PTGER3: variants seen among roughly 807,000 people sequenced by gnomAD.
PTGER3 encodes the protein prostaglandin E2 receptor EP3 subtype.
PTGER3 carries 22 observed loss-of-function variants against 34.7 expected under a neutral mutation model. That is an observed-to-expected ratio of 0.63 (90% CI 0.45 to 0.91). The LOEUF (loss-of-function observed/expected upper bound fraction) is 0.91. PTGER3 is among the 40% of genes least tolerant of loss of function. The pLI, the probability that PTGER3 is intolerant of heterozygous loss-of-function variation, is 0.00. For missense variants in PTGER3, 468 were observed against 519.4 expected, an observed-to-expected ratio of 0.90 and a Z score of 0.96; for synonymous variants, 241 against 230.1, an observed-to-expected ratio of 1.05 and a Z score of -0.43.
chr1:70,936,863 GT>G (rs1324337774), intron 4 of PTGER3, among the ~76,000 whole-genome samples: 3 of 152,114 alleles, frequency 2.0e-5, no homozygotes, highest in Admixed American at 6.5e-5. Context: ...ATTCTTTTGA[GT>G]TTTTTTCATC....
At chr1:70,919,837 T>C (rs1647353587) in intron 4 of PTGER3, among the ~76,000 whole-genome samples, 3 of 152,274 alleles carry the variant, frequency 2.0e-5, no homozygotes, top group East Asian at 1.9e-4. Context: ...TCCATTTGTA[T>C]TGCCCTAGGC....
In PTGER3 at chr1:71,047,706, C is replaced by T; in HGVS notation, c.-129G>A. Reference sequence around the variant, plus strand: ...CTGGGCTGCCCCCCATGGTGCGGGGCGCAGCCGCCGCCCTACTCCGCTGCT... The same window carrying T: ...CTGGGCTGCCCCCCATGGTGCGGGGTGCAGCCGCCGCCCTACTCCGCTGCT... On this transcript the variant is annotated 5_prime_UTR_variant, in exon 1 of 4. Coordinates refer to ENST00000306666, the MANE Select transcript of PTGER3 (RefSeq NM_198719.2). 9.3e-7 allele frequency: 1 copy of T among 1,079,914 alleles called. No individual in the cohort carries two copies. Among genetic ancestry groups the T allele is most frequent in the Non-Finnish European group, 1.2e-6 (1 of 803,842 alleles). 66.9% of individuals were successfully genotyped at this position (1,079,914 alleles called of 1,614,324 possible). A position where few individuals can be genotyped will look rare whatever the true frequency, so the allele number is the denominator to read the frequency against.
intron 1 of PTGER3, among the ~76,000 whole-genome samples, chr1:71,032,948 T>G (rs1659532373): frequency 6.6e-6 from 1 of 152,230 alleles, no homozygotes; most frequent in Non-Finnish European, 1.5e-5. Context: ...GCTCCAGATC[T>G]TCTGGGGATC....
downstream of PTGER3, among the ~76,000 whole-genome samples, chr1:70,952,189 A>T (rs755595519): frequency 6.6e-6 from 1 of 152,124 alleles, no homozygotes; most frequent in Non-Finnish European, 1.5e-5. Context: ...AGTAGAAGAT[A>T]TATTTTGAAG....
intron 1 of PTGER3, among the ~76,000 whole-genome samples, chr1:71,019,303 A>G (rs748606578): frequency 6.6e-6 from 1 of 152,090 alleles, no homozygotes; most frequent in Non-Finnish European, 1.5e-5. Flanking sequence ...ACCCTGCACT[A>G]TTTCTCCTTT....
chr1:70,975,908 G>T (rs565149471), intron 2 of PTGER3, among the ~76,000 whole-genome samples: 2 of 152,074 alleles, frequency 1.3e-5, no homozygotes, highest in African/African-American at 2.4e-5. Flanking sequence ...ATCTGCTAAA[G>T]AACGATCTGG....
chr1:71,044,573 T>C (rs1298542275), intron 1 of PTGER3, among the ~76,000 whole-genome samples: 1 of 152,152 alleles, frequency 6.6e-6, no homozygotes. Context: ...TGAAAATAAA[T>C]TGAAATTAAG....
chr1:71,042,359 T>C (rs1660389661), intron 1 of PTGER3, among the ~76,000 whole-genome samples: 2 of 151,478 alleles, frequency 1.3e-5, no homozygotes, highest in African/African-American at 4.9e-5. Context: ...AAATCTCCTC[T>C]GGCAAATTCA....
chr1:71,009,246 G>T, intron 2 of PTGER3: 2 of 985,094 alleles, frequency 2.0e-6, no homozygotes, highest in African/African-American at 3.5e-5. Context: ...GTGCTCACAG[G>T]ATCTTTCATA....
At chr1:70,963,909 C>G (rs1429688521) in intron 2 of PTGER3, among the ~76,000 whole-genome samples, 6 of 152,180 alleles carry the variant, frequency 3.9e-5, no homozygotes, top group Non-Finnish European at 7.3e-5. Flanking sequence ...TTCACTTCCT[C>G]TTGAACATTT....
chr1:70,873,433 TA>T (rs1259648884), intron 4 of PTGER3, among the ~76,000 whole-genome samples: 1 of 152,228 alleles, frequency 6.6e-6, no homozygotes, highest in East Asian at 1.9e-4. Context: ...AGTCATATAA[TA>T]GACTACATTT....
intron 1 of PTGER3, among the ~76,000 whole-genome samples, chr1:71,044,115 C>G (rs887511583): frequency 6.6e-5 from 10 of 150,842 alleles, no homozygotes; most frequent in African/African-American, 2.4e-4. Context: ...TGCGCCCAGC[C>G]GATGGAACCA....
intron 2 of PTGER3, among the ~76,000 whole-genome samples, chr1:70,964,124 G>T (rs543099112): frequency 6.6e-6 from 1 of 152,264 alleles, no homozygotes; most frequent in South Asian, 2.1e-4. Context: ...ATCACTATCA[G>T]CATTTTGCTC....
chr1:70,968,771 T>G (rs1652793152), downstream of PTGER3, among the ~76,000 whole-genome samples: 2 of 151,802 alleles, frequency 1.3e-5, no homozygotes, highest in Non-Finnish European at 2.9e-5. Context: ...TTTCTCTACA[T>G]CAGATTTTAA....
chr1:70,872,305 T>G (rs1002466205), intron 4 of PTGER3, among the ~76,000 whole-genome samples: 5 of 152,224 alleles, frequency 3.3e-5, no homozygotes, highest in African/African-American at 1.2e-4. Context: ...ATTAATAGTC[T>G]ACATTTTTAA....
intron 1 of PTGER3, among the ~76,000 whole-genome samples, chr1:71,046,297 A>AAC: frequency 6.6e-6 from 1 of 151,344 alleles, no homozygotes; most frequent in South Asian, 2.1e-4. Context: ...AAAAAAAAAA[A>AAC]AAAAAAAAAC....
chr1:71,026,383 T>C (rs1005663903), intron 1 of PTGER3, among the ~76,000 whole-genome samples: 5 of 152,196 alleles, frequency 3.3e-5, no homozygotes, highest in African/African-American at 4.8e-5. Flanking sequence ...GATATTTATA[T>C]TACTCATTGT....
At chr1:70,910,083 T>G (rs17131489) in intron 4 of PTGER3, among the ~76,000 whole-genome samples, 2,225 of 152,330 alleles carry the variant, frequency 0.015, 70 homozygotes, top group South Asian at 0.11. Context: ...CTATTGCTAA[T>G]AAGTGCTGAC....
At chr1:70,936,181 G>A (rs990764948) in intron 4 of PTGER3, among the ~76,000 whole-genome samples, 4 of 152,156 alleles carry the variant, frequency 2.6e-5, no homozygotes, top group African/African-American at 9.7e-5. Flanking sequence ...CATCTGTTGG[G>A]AACTTGCTTG....
Sources: allele counts gnomAD v4.1 joint callset (sites outside exome capture counted in the v4.1 genomes callset), GRCh38; gene constraint gnomAD v4.1.1; transcripts MANE v1.5; gene names NCBI Gene and HGNC (gene_info 2026-07-23, HGNC 2026-07-21).